SFSWAP: variants seen among roughly 807,000 people sequenced by gnomAD.
The protein encoded by SFSWAP is splicing factor, suppressor of white-apricot homolog.
In SFSWAP, 17 loss-of-function variants were observed where a neutral mutation model predicts 100.7. The observed-to-expected ratio is 0.17, with a 90% confidence interval of 0.12 to 0.25. SFSWAP has a LOEUF of 0.25. Among genes scored for constraint, SFSWAP ranks in the 10% least tolerant of loss-of-function variants. The probability of loss-of-function intolerance (pLI) is 1.00; values close to 1 mark genes in which losing one functional copy is unlikely to be tolerated. For missense variants in SFSWAP, 1,005 were observed against 1,262.6 expected (o/e 0.80, Z 3.09); for synonymous variants, 504 against 510.1 (o/e 0.99, Z 0.16).
At chr12:131,719,024 A>T (rs1439423584) in intron 3 of SFSWAP, among the ~76,000 whole-genome samples, 1 of 152,150 alleles carries the variant, frequency 6.6e-6, no homozygotes, top group East Asian at 1.9e-4. Context: ...TTGTATGAGG[A>T]TTTTTTTCAG....
chr12:131,790,724 A>G (rs1245637637), intron 15 of SFSWAP, among the ~76,000 whole-genome samples: 1 of 152,232 alleles, frequency 6.6e-6, no homozygotes. Context: ...AGTTTCTAGT[A>G]CTTAACACTG....
At chr12:131,788,862 T>C (rs181383475) in intron 15 of SFSWAP, among the ~76,000 whole-genome samples, 96 of 152,340 alleles carry the variant, frequency 6.3e-4, no homozygotes, top group African/African-American at 2.2e-3. Flanking sequence ...TCCACTTCCT[T>C]GCTGTGGCTT....
chr12:131,731,567 C>T (rs1879513746), intron 7 of SFSWAP, among the ~76,000 whole-genome samples: 1 of 152,182 alleles, frequency 6.6e-6, no homozygotes, highest in South Asian at 2.1e-4. Flanking sequence ...AATTCATGGA[C>T]TGACTACTAT....
At chr12:131,717,502 C>T (rs1280229877) in intron 3 of SFSWAP, among the ~76,000 whole-genome samples, 2 of 151,886 alleles carry the variant, frequency 1.3e-5, no homozygotes, top group Non-Finnish European at 2.9e-5. Flanking sequence ...GTTTGTAGTG[C>T]AATGGTTGGT....
rs117882544 is a variant in SFSWAP at position 131,778,428 on chromosome 12, C to T, written c.2408+98C>T. The stretch of plus-strand genomic sequence containing the variant: ...TAGGTAGAACGTTTAAAATCAGTGC[C>T]GCTTTCATTAAGCAGACGCGTGTAT... On this transcript the variant is annotated intron_variant, in intron 14 of 17. Transcript: ENST00000261674. The surrounding 1 kb of genome is among the most constrained non-coding windows in gnomAD (Gnocchi z 4.2). The T allele has an allele frequency of 1.5e-5, 23 of 1,522,282 alleles. No homozygotes were observed. Among genetic ancestry groups the T allele is most frequent in the East Asian group, 2.3e-5 (1 of 43,998 alleles). 94.3% of individuals were successfully genotyped at this position (1,522,282 alleles called of 1,614,324 possible). A position where few individuals can be genotyped will look rare whatever the true frequency, so the allele number is the denominator to read the frequency against.
chr12:131,711,130 C>T lies in SFSWAP; in HGVS notation c.-100C>T, dbSNP rs913455070. ...ATGGCGGCGGTGTTGAGGTTGGGTACGGGATGCGGGGTCTTTGACTGAAGG... is the reference window on the plus strand; with the variant it reads ...ATGGCGGCGGTGTTGAGGTTGGGTATGGGATGCGGGGTCTTTGACTGAAGG... On this transcript the variant is annotated 5_prime_UTR_variant, in exon 1 of 18. It adds an upstream start codon to the 5' untranslated region. Transcript: ENST00000261674. The surrounding 1 kb of genome is among the most constrained non-coding windows in gnomAD (Gnocchi z 4.9). 8.1e-6 allele frequency: 8 copies of T among 986,050 alleles called. No homozygotes were observed. The highest frequency in any genetic ancestry group is 3.3e-5 in the African/African-American group (2 of 60,916). 61.1% of individuals were successfully genotyped at this position (986,050 alleles called of 1,614,324 possible).
chr12:131,756,720 ACT>A, intron 11 of SFSWAP, 76 bp downstream of exon 11: 1 of 1,335,162 alleles, frequency 7.5e-7, no homozygotes, highest in South Asian at 1.5e-5. Flanking sequence ...GTGACCTCAG[ACT>A]CAGCGCCCTC....
intron 7 of SFSWAP, among the ~76,000 whole-genome samples, chr12:131,736,619 G>A (rs1880045576): frequency 3.3e-5 from 5 of 152,088 alleles, no homozygotes; most frequent in Admixed American, 2.6e-4. Context: ...CCCCTCCAGC[G>A]CTTTGGTTCA....
chr12:131,767,206 C>G (rs906290216), intron 13 of SFSWAP, among the ~76,000 whole-genome samples: 4 of 150,702 alleles, frequency 2.7e-5, no homozygotes, highest in Non-Finnish European at 5.9e-5. Flanking sequence ...TGCTCCCATG[C>G]GTGTCCGAGA....
intron 6 of SFSWAP, among the ~76,000 whole-genome samples, chr12:131,727,540 G>A (rs1468936012): frequency 6.6e-6 from 1 of 152,210 alleles, no homozygotes; most frequent in Non-Finnish European, 1.5e-5. Flanking sequence ...AGCTACTCGG[G>A]AGGCTGAGGC....
chr12:131,743,863 G>A (rs1168234558), intron 7 of SFSWAP, among the ~76,000 whole-genome samples: 4 of 152,230 alleles, frequency 2.6e-5, no homozygotes, highest in Non-Finnish European at 5.9e-5. Flanking sequence ...AAATCTAGAT[G>A]GAGGTTCCCA....
chr12:131,746,312 C>A (rs10794424), intron 7 of SFSWAP, among the ~76,000 whole-genome samples: 1 of 152,024 alleles, frequency 6.6e-6, no homozygotes, highest in East Asian at 1.9e-4. Context: ...AGCTGAGGAC[C>A]TACAGCGTTG....
chr12:131,748,931 C>T (rs753149814), intron 7 of SFSWAP, among the ~76,000 whole-genome samples: 18 of 152,316 alleles, frequency 1.2e-4, no homozygotes, highest in Middle Eastern at 6.8e-3. Flanking sequence ...AACGTAGTCC[C>T]CTTTGGGAAA....
chr12:131,726,119 T>C (rs1189221120), intron 5 of SFSWAP, among the ~76,000 whole-genome samples: 1 of 152,198 alleles, frequency 6.6e-6, no homozygotes, highest in Non-Finnish European at 1.5e-5. Flanking sequence ...GCCAGTTAGC[T>C]GTATTTTGAA....
At chr12:131,793,213 C>T (rs1885401773) in intron 15 of SFSWAP, among the ~76,000 whole-genome samples, 1 of 151,974 alleles carries the variant, frequency 6.6e-6, no homozygotes, top group Admixed American at 6.6e-5. Context: ...CCCACCTCAG[C>T]TGGGACCACA....
Position 131,756,598 on chromosome 12 carries a change from G to A in SFSWAP, c.1674G>A (p.Lys558=), listed in dbSNP as rs763307390. Reference sequence around the variant, plus strand: ...CACGGGCAGGCTCAGGCGGGAAGAAGGAGGCATCGTCCAGTAAGACCGTCC... The same window carrying A: ...CACGGGCAGGCTCAGGCGGGAAGAAAGAGGCATCGTCCAGTAAGACCGTCC... ...VGARAGSGGK[K]EASSSKTVPD... The change falls in exon 11 of 18, where the codon AAG becomes AAA. Residue 558 remains lysine, a synonymous_variant. Coordinates refer to ENST00000261674, the MANE Select transcript of SFSWAP (RefSeq NM_004592.4). 1 of 1,612,540 alleles carries A rather than the reference G, an allele frequency of 6.2e-7. No homozygotes were observed. Among genetic ancestry groups the A allele is most frequent in the Non-Finnish European group, 8.5e-7 (1 of 1,179,514 alleles).
chr12:131,772,347 T>A (rs1883685212), intron 13 of SFSWAP, among the ~76,000 whole-genome samples: 1 of 152,204 alleles, frequency 6.6e-6, no homozygotes, highest in African/African-American at 2.4e-5. Context: ...TTGTAAATGA[T>A]GTCCTAAAGT....
At chr12:131,747,534 G>T (rs11246795) in intron 7 of SFSWAP, among the ~76,000 whole-genome samples, 1,553 of 152,314 alleles carry the variant, frequency 0.01, 11 homozygotes, top group Middle Eastern at 0.02. Context: ...GAGAGAGGTC[G>T]CCATGGGAGG....
rs1885738266 is a variant in SFSWAP, at chr12:131,797,199, G to C, written c.2556G>C (p.Lys852Asn). 1 of 1,610,652 alleles carries C rather than the reference G, an allele frequency of 6.2e-7. No individual in the cohort carries two copies. Among genetic ancestry groups the C allele is most frequent in the Non-Finnish European group, 8.5e-7 (1 of 1,179,666 alleles). The change falls in exon 16 of 18, where the codon AAG becomes AAC. Residue 852 changes from lysine (K) to asparagine (N), a missense_variant. Lys to Asn is a moderately conservative substitution (Grantham distance 94). Transcript: ENST00000261674. ...TRSRSPHEKKKKRRSRSRTKS... is the reference protein window; with the variant it reads ...TRSRSPHEKKNKRRSRSRTKS... ...TCAGAAGTCCCCACGAGAAGAAGAA[G>C]AAGAGGCGGTCCCGGTCGCGGACCA...
Sources: allele counts gnomAD v4.1 joint callset (sites outside exome capture counted in the v4.1 genomes callset), GRCh38; gene constraint gnomAD v4.1.1; non-coding constraint Gnocchi (gnomAD v3.1); transcripts MANE v1.5; gene names NCBI Gene and HGNC (gene_info 2026-07-23, HGNC 2026-07-21).